Variants in SORCS1 observed in about 807,000 individuals in gnomAD.
SORCS1 encodes the protein VPS10 domain-containing receptor SorCS1.
Under a neutral mutation model 146.1 loss-of-function variants are expected in SORCS1, and 60 were observed. The ratio of observed to expected loss-of-function variants is 0.41; its 90% confidence interval spans 0.33 to 0.51. SORCS1 has a LOEUF of 0.51. Among genes scored for constraint, SORCS1 ranks in the 20% least tolerant of loss-of-function variants. The pLI, the probability that SORCS1 is intolerant of heterozygous loss-of-function variation, is 0.21. For missense variants in SORCS1, 1,352 were observed against 1,487.6 expected (o/e 0.91, Z 1.50); for synonymous variants, 637 against 584.0 (o/e 1.09, Z -1.31).
At chr10:106,597,077 C>T (rs1845948792) in intron 24 of SORCS1, among the ~76,000 whole-genome samples, 1 of 152,098 alleles carries the variant, frequency 6.6e-6, no homozygotes, top group Non-Finnish European at 1.5e-5. Flanking sequence ...ATCTCAAACA[C>T]CTGACCTCAA....
intron 1 of SORCS1, among the ~76,000 whole-genome samples, chr10:107,048,738 G>A (rs990394338): frequency 6.6e-6 from 1 of 152,108 alleles, no homozygotes; most frequent in African/African-American, 2.4e-5. Flanking sequence ...TTTGGATGGA[G>A]TAGAAAAGCA....
At chr10:106,817,809 G>A (rs1947816141) in intron 3 of SORCS1, among the ~76,000 whole-genome samples, 1 of 152,162 alleles carries the variant, frequency 6.6e-6, no homozygotes, top group Non-Finnish European at 1.5e-5. Flanking sequence ...CTGCCTGGCA[G>A]TCAATAAATA....
intron 1 of SORCS1, among the ~76,000 whole-genome samples, chr10:107,084,224 T>C (rs1277322941): frequency 1.3e-5 from 2 of 150,712 alleles, no homozygotes; most frequent in African/African-American, 4.9e-5. Context: ...GCCTCCCAAG[T>C]ATCTGGGACT....
intron 2 of SORCS1, among the ~76,000 whole-genome samples, chr10:106,847,588 G>C (rs1447617299): frequency 1.1e-4 from 5 of 45,966 alleles, no homozygotes; most frequent in African/African-American, 2.9e-4. Context: ...ATTTCCTTCA[G>C]TTCTGCTCTG....
chr10:106,917,083 T>C (rs1952481302), intron 2 of SORCS1, among the ~76,000 whole-genome samples: 1 of 152,208 alleles, frequency 6.6e-6, no homozygotes, highest in Non-Finnish European at 1.5e-5. Context: ...ATTTTTCACC[T>C]GGCCAGCTCG....
Position 106,794,922 on chromosome 10 carries a change from TAAGA to T in SORCS1, c.727-18234_727-18231del, listed in dbSNP as rs146434396. Among the ~76,000 whole-genome samples the T allele has an allele frequency of 3.1e-3, 473 of 152,294 alleles. 3 individuals carry two copies. The highest frequency in any genetic ancestry group is 0.011 in the African/African-American group (441 of 41,562). On this transcript the variant is annotated intron_variant, in intron 3 of 25. Transcript: ENST00000263054. Reference sequence around the variant, plus strand: ...TTTGAGTTGAGACTCCTGTAGGAGCTAAGATCATAAACTTAACCAGGGGTCCCCC... The same window carrying T: ...TTTGAGTTGAGACTCCTGTAGGAGCTTCATAAACTTAACCAGGGGTCCCCC...
At chr10:107,093,900 G>C (rs1964375940) in intron 1 of SORCS1, among the ~76,000 whole-genome samples, 1 of 152,008 alleles carries the variant, frequency 6.6e-6, no homozygotes, top group African/African-American at 2.4e-5. Context: ...TGAACACAGT[G>C]GGGTCATTCC....
At chr10:106,956,405 A>C in intron 2 of SORCS1, 108 bp downstream of exon 2, 1 of 887,128 alleles carries the variant, frequency 1.1e-6, no homozygotes, top group Non-Finnish European at 1.8e-6. Context: ...GAAAGCAAGC[A>C]GTGCATATCA....
At chr10:106,750,677 C>T (rs1195516329) in intron 5 of SORCS1, among the ~76,000 whole-genome samples, 29 of 124,488 alleles carry the variant, frequency 2.3e-4, no homozygotes, top group African/African-American at 8.3e-4. Flanking sequence ...TGCAGTGAGC[C>T]GAGATCGCAC....
intron 24 of SORCS1, among the ~76,000 whole-genome samples, chr10:106,587,839 T>G (rs1192921265): frequency 6.6e-6 from 1 of 151,810 alleles, no homozygotes; most frequent in East Asian, 1.9e-4. Flanking sequence ...TCCTGTGTAT[T>G]TTTTTTGGGG....
At chr10:107,089,259 C>T (rs1428618041) in intron 1 of SORCS1, among the ~76,000 whole-genome samples, 1 of 151,978 alleles carries the variant, frequency 6.6e-6, no homozygotes, top group Non-Finnish European at 1.5e-5. Context: ...ATAAAATTAA[C>T]AAATATTAAT....
intron 1 of SORCS1, among the ~76,000 whole-genome samples, chr10:107,123,785 G>A (rs919015183): frequency 1.3e-5 from 2 of 151,946 alleles, no homozygotes; most frequent in Non-Finnish European, 2.9e-5. Flanking sequence ...ATTTGAAAAT[G>A]GAGACAAGGT....
rs199949416 is a variant in SORCS1 at position 106,952,577 on chromosome 10, C to T, written c.626+3936G>A. Among the ~76,000 whole-genome samples the T allele has an allele frequency of 4.2e-3, 254 of 60,592 alleles. 1 individual carries two copies. The highest frequency in any genetic ancestry group is 8.1e-3 in the Non-Finnish European group (210 of 25,820). The allele number at this position is 60,592 out of a possible 152,430, so 39.8% of individuals were successfully genotyped here. A position where few individuals can be genotyped will look rare whatever the true frequency, so the allele number is the denominator to read the frequency against. On this transcript the variant is annotated intron_variant, in intron 2 of 25. Transcript: ENST00000263054. ...TTATATTATATTATATTATATTATA[C>T]TATGTTATATTATATATTATAATAT...
chr10:106,857,838 T>C (rs1949851485), intron 2 of SORCS1, among the ~76,000 whole-genome samples: 1 of 152,162 alleles, frequency 6.6e-6, no homozygotes, highest in African/African-American at 2.4e-5. Context: ...TATCTTCAAA[T>C]CCATTTTTCA....
At chr10:106,646,870 C>T (rs1288708762) in intron 18 of SORCS1, among the ~76,000 whole-genome samples, 1 of 151,366 alleles carries the variant, frequency 6.6e-6, no homozygotes, top group African/African-American at 2.4e-5. Context: ...ACTGCAGTGT[C>T]TCATTTGTCA....
At chr10:106,894,206 A>T (rs1409930214) in intron 2 of SORCS1, among the ~76,000 whole-genome samples, 2 of 151,958 alleles carry the variant, frequency 1.3e-5, no homozygotes, top group Non-Finnish European at 2.9e-5. Context: ...AAAATCCGTC[A>T]GCATGTAGGA....
chr10:106,808,013 T>G (rs1947271671), intron 3 of SORCS1, among the ~76,000 whole-genome samples: 1 of 152,196 alleles, frequency 6.6e-6, no homozygotes, highest in South Asian at 2.1e-4. Flanking sequence ...TATTAGTGAC[T>G]CTATTTTTAT....
At chr10:106,630,140 C>T (rs1848356165) in intron 18 of SORCS1, among the ~76,000 whole-genome samples, 1 of 152,198 alleles carries the variant, frequency 6.6e-6, no homozygotes. Context: ...TCAAGACCAC[C>T]CCTCAACCTG....
At chr10:107,159,540 C>T (rs1969548489) in intron 1 of SORCS1, among the ~76,000 whole-genome samples, 1 of 152,090 alleles carries the variant, frequency 6.6e-6, no homozygotes, top group South Asian at 2.1e-4. Flanking sequence ...GAATAAAGCA[C>T]TTTGTATCCA....
Sources: allele counts gnomAD v4.1 joint callset (sites outside exome capture counted in the v4.1 genomes callset), GRCh38; gene constraint gnomAD v4.1.1; transcripts MANE v1.5; gene names NCBI Gene and HGNC (gene_info 2026-07-23, HGNC 2026-07-21).